KCNK1: variants seen among roughly 807,000 people sequenced by gnomAD.
KCNK1 encodes the protein potassium channel subfamily K member 1.
Under a neutral mutation model 22.2 loss-of-function variants are expected in KCNK1, and 10 were observed. The observed-to-expected ratio is 0.45, with a 90% CI of 0.28 to 0.76. The LOEUF (loss-of-function observed/expected upper bound fraction) is 0.76. Ranked by LOEUF, KCNK1 falls within the 30% of genes least tolerant of loss-of-function variation. The pLI is 0.14. For synonymous variants in KCNK1, 200 were observed against 186.4 expected (o/e 1.07, Z -0.60); for missense variants, 378 against 421.0 (o/e 0.90, Z 0.89).
intron 1 of KCNK1, among the ~76,000 whole-genome samples, chr1:233,657,995 G>A (rs1267536308): frequency 6.6e-6 from 1 of 152,158 alleles, no homozygotes; most frequent in Admixed American, 6.6e-5. Context: ...GTTTTAGGAA[G>A]CAAGGCCTGA....
Position 233,671,624 on chromosome 1 carries a change from A to G in KCNK1, c.*94A>G. On this transcript the variant is annotated 3_prime_UTR_variant, in exon 3 of 3. Coordinates refer to ENST00000366621, the MANE Select transcript of KCNK1 (RefSeq NM_002245.4). ...ATTTTTATCAGAATGCAAAAGCGAAAATTATGTCACTTTAAGAAATAGCTA... is the reference window on the plus strand; with the variant it reads ...ATTTTTATCAGAATGCAAAAGCGAAGATTATGTCACTTTAAGAAATAGCTA... 1 of 1,412,962 alleles carries G rather than the reference A, an allele frequency of 7.1e-7. No homozygotes were observed. Among genetic ancestry groups the G allele is most frequent in the South Asian group, 1.3e-5 (1 of 75,968 alleles). 87.5% of individuals were successfully genotyped at this position (1,412,962 alleles called of 1,614,324 possible). A position where few individuals can be genotyped will look rare whatever the true frequency, so the allele number is the denominator to read the frequency against.
In KCNK1 at chr1:233,614,423, G is replaced by C. The variant is rs1425572546; in HGVS notation, c.252G>C (p.Glu84Asp). The change falls in exon 1 of 3, where the codon GAG (glutamate) becomes GAC (aspartate). Residue 84 changes from glutamate to aspartate, a missense_variant. Transcript: ENST00000366621. ...QLEQFLGRVL[E>D]ASNYGVSVLS... ...AGCAGTTCCTGGGCCGGGTGCTGGAGGCCAGCAACTACGGCGTGTCGGTGC... is the reference window on the plus strand; with the variant it reads ...AGCAGTTCCTGGGCCGGGTGCTGGACGCCAGCAACTACGGCGTGTCGGTGC... 6.2e-7 allele frequency: 1 copy of C among 1,613,142 alleles called. No homozygotes were observed. The highest frequency in any genetic ancestry group is 1.7e-5 in the Admixed American group (1 of 59,954).
intron 1 of KCNK1, among the ~76,000 whole-genome samples, chr1:233,662,563 C>T (rs1269416879): frequency 2.0e-5 from 3 of 152,100 alleles, no homozygotes; most frequent in African/African-American, 7.2e-5. Context: ...AAAAATCTAG[C>T]GAAGCATAGC....
chr1:233,653,271 A>AG (rs1558116957), intron 1 of KCNK1, among the ~76,000 whole-genome samples: 2 of 152,196 alleles, frequency 1.3e-5, no homozygotes, highest in African/African-American at 4.8e-5. Context: ...GTGCCCCCAC[A>AG]GCATGGCATG....
At chr1:233,627,021 T>TC (rs561313788) in intron 1 of KCNK1, among the ~76,000 whole-genome samples, 57 of 152,304 alleles carry the variant, frequency 3.7e-4, no homozygotes, top group African/African-American at 1.3e-3. Context: ...ATTTTTTTTT[T>TC]CACAAACAAT....
At chr1:233,637,617 G>A (rs1475619906) in intron 1 of KCNK1, among the ~76,000 whole-genome samples, 1 of 152,148 alleles carries the variant, frequency 6.6e-6, no homozygotes, top group Non-Finnish European at 1.5e-5. Flanking sequence ...CCAGCCTTTT[G>A]ATGGAAGATT....
chr1:233,634,133 C>T (rs1313417743), intron 1 of KCNK1, among the ~76,000 whole-genome samples: 1 of 151,972 alleles, frequency 6.6e-6, no homozygotes, highest in Non-Finnish European at 1.5e-5. Context: ...CAGTGAAACC[C>T]TGTCTCTACT....
intron 1 of KCNK1, among the ~76,000 whole-genome samples, chr1:233,614,910 T>A (rs1657459773): frequency 6.6e-6 from 1 of 152,182 alleles, no homozygotes; most frequent in Non-Finnish European, 1.5e-5. Flanking sequence ...CGGGTTTGAA[T>A]GTGTAGCAGC....
chr1:233,646,369 G>A (rs1206893149), intron 1 of KCNK1, among the ~76,000 whole-genome samples: 1 of 152,012 alleles, frequency 6.6e-6, no homozygotes, highest in Admixed American at 6.5e-5. Context: ...GGGCAGCCAG[G>A]GTGGAAAAAC....
intron 1 of KCNK1, among the ~76,000 whole-genome samples, chr1:233,627,461 G>A (rs1361839015): frequency 1.3e-5 from 2 of 152,180 alleles, no homozygotes; most frequent in Non-Finnish European, 2.9e-5. Flanking sequence ...CAGCTGCCTA[G>A]GTGTCAGACT....
chr1:233,640,740 G>C (rs1404412455), intron 1 of KCNK1, among the ~76,000 whole-genome samples: 3 of 152,046 alleles, frequency 2.0e-5, no homozygotes, highest in Non-Finnish European at 4.4e-5. Context: ...GGGTCTCGTT[G>C]TGTCGCCAGA....
intron 1 of KCNK1, 126 bp downstream of exon 1, chr1:233,614,652 C>T (rs1257711001): frequency 5.5e-6 from 4 of 725,540 alleles, no homozygotes; most frequent in Non-Finnish European, 8.8e-6. Flanking sequence ...CATCCCGGCT[C>T]CTCCAGCCCG....
intron 1 of KCNK1, among the ~76,000 whole-genome samples, chr1:233,623,023 G>C (rs1458110694): frequency 6.6e-6 from 1 of 152,164 alleles, no homozygotes; most frequent in Non-Finnish European, 1.5e-5. Context: ...AACTCAGAGA[G>C]AGTCGGTGAA....
At chr1:233,649,873 A>G (rs1658168651) in intron 1 of KCNK1, 3 of 488,572 alleles carry the variant, frequency 6.1e-6, no homozygotes, top group Non-Finnish European at 1.3e-5. Context: ...CAGCAAATGG[A>G]TATCTTTAAG....
chr1:233,658,276 T>C (rs569273097), intron 1 of KCNK1, among the ~76,000 whole-genome samples: 1 of 152,270 alleles, frequency 6.6e-6, no homozygotes, highest in Non-Finnish European at 1.5e-5. Context: ...AGGGGCAAAA[T>C]AAATAATTAT....
chr1:233,653,169 C>G (rs992692720), intron 1 of KCNK1, among the ~76,000 whole-genome samples: 4 of 152,190 alleles, frequency 2.6e-5, no homozygotes, highest in African/African-American at 9.6e-5. Context: ...CCTAAACCTG[C>G]TTATGCTGCT....
rs764548874 is a variant in KCNK1 at position 233,614,435 on chromosome 1, C to T, written c.264C>T (p.Tyr88=). The part of the protein sequence containing the change: ...FLGRVLEASN[Y]GVSVLSNASG... ...GCCGGGTGCTGGAGGCCAGCAACTA[C>T]GGCGTGTCGGTGCTCAGCAACGCCT... The change falls in exon 1 of 3, where the codon TAC becomes TAT. Residue 88 remains tyrosine, a synonymous_variant. Coordinates refer to ENST00000366621, the MANE Select transcript of KCNK1 (RefSeq NM_002245.4). The T allele has an allele frequency of 1.6e-5, 26 of 1,613,242 alleles. No homozygotes were observed. The African/African-American group carries it at 3.2e-4, about 20-fold the overall frequency.
intron 1 of KCNK1, among the ~76,000 whole-genome samples, chr1:233,637,884 T>C (rs1034318490): frequency 3.9e-5 from 6 of 152,062 alleles, no homozygotes; most frequent in African/African-American, 1.4e-4. Flanking sequence ...TCTCAATGGG[T>C]TGTGGAGGGA....
Position 233,666,688 on chromosome 1 carries a change from C to T in KCNK1, c.449C>T (p.Thr150Met), listed in dbSNP as rs377600307. The T allele has an allele frequency of 2.1e-5, 34 of 1,614,152 alleles. No individual in the cohort carries two copies. The highest frequency in any genetic ancestry group is 2.5e-5 in the Non-Finnish European group (29 of 1,180,042). The change falls in exon 2 of 3, where the codon ACG (threonine) becomes ATG (methionine). Residue 150 changes from threonine to methionine, a missense_variant. Physicochemically the swap from Thr to Met is moderately conservative, Grantham distance 81. Transcript: ENST00000366621. ...ATTCCCTTCACCCTCCTGTTCCTGA[C>T]GGCTGTGGTCCAGCGCATCACCGTG... The part of the protein sequence containing the change: ...IGIPFTLLFL[T>M]AVVQRITVHV...
Sources: gnomAD v4.1 joint callset for allele counts (sites outside exome capture counted in the v4.1 genomes callset) on GRCh38, gnomAD v4.1.1 for gene constraint, MANE v1.5 for transcripts, NCBI Gene and HGNC (gene_info 2026-07-23, HGNC 2026-07-21) for gene names.